TMEM200A: variants seen among roughly 807,000 people sequenced by gnomAD.
TMEM200A encodes two transmembrane C.
In TMEM200A, 12 loss-of-function variants were observed where a neutral mutation model predicts 24.3. The ratio of observed to expected loss-of-function variants is 0.49; its 90% CI spans 0.32 to 0.80. TMEM200A has a LOEUF of 0.80. Among genes scored for constraint, TMEM200A ranks in the 30% least tolerant of loss-of-function variants. TMEM200A has a pLI of 0.04. For synonymous variants in TMEM200A, 224 were observed against 224.4 expected (o/e 1.00, Z 0.02); for missense variants, 545 against 614.4 (o/e 0.89, Z 1.19).
intron 2 of TMEM200A, among the ~76,000 whole-genome samples, chr6:130,419,034 T>C (rs1210739644): frequency 6.6e-6 from 1 of 152,164 alleles, no homozygotes; most frequent in Non-Finnish European, 1.5e-5. Context: ...ACTGTATGTT[T>C]ATACCCATTA....
chr6:130,414,219 G>C (rs538830212), intron 2 of TMEM200A, among the ~76,000 whole-genome samples: 1 of 152,050 alleles, frequency 6.6e-6, no homozygotes, highest in East Asian at 1.9e-4. Flanking sequence ...ATCACTTGAG[G>C]TCAGGAGTTT....
chr6:130,415,646 C>T (rs565614720), intron 2 of TMEM200A, among the ~76,000 whole-genome samples: 2 of 152,122 alleles, frequency 1.3e-5, no homozygotes, highest in African/African-American at 4.8e-5. Flanking sequence ...CCCATGCTCA[C>T]GAGATATCCT....
chr6:130,426,865 AC>A (rs943610327), intron 2 of TMEM200A, among the ~76,000 whole-genome samples: 2 of 152,238 alleles, frequency 1.3e-5, no homozygotes, highest in African/African-American at 4.8e-5. Context: ...AAGGCAGATA[AC>A]AATTCTAAAT....
chr6:130,431,053 T>C (rs1779863625), intron 2 of TMEM200A, among the ~76,000 whole-genome samples: 1 of 152,182 alleles, frequency 6.6e-6, no homozygotes, highest in African/African-American at 2.4e-5. Flanking sequence ...TTTAGTAGCC[T>C]TAACAATACG....
At chr6:130,399,849 C>T (rs1304110590) in intron 2 of TMEM200A, among the ~76,000 whole-genome samples, 6 of 151,844 alleles carry the variant, frequency 4.0e-5, no homozygotes, top group Non-Finnish European at 8.8e-5. Context: ...CTACTCTTCC[C>T]CTTAAGTCCC....
intron 1 of TMEM200A, among the ~76,000 whole-genome samples, chr6:130,373,626 C>A (rs897759516): frequency 3.3e-5 from 5 of 152,120 alleles, no homozygotes; most frequent in African/African-American, 1.2e-4. Flanking sequence ...TTATAAATGG[C>A]ACTTTGATGA....
At chr6:130,416,180 C>T (rs1779445139) in intron 2 of TMEM200A, among the ~76,000 whole-genome samples, 1 of 152,122 alleles carries the variant, frequency 6.6e-6, no homozygotes, top group Admixed American at 6.6e-5. Flanking sequence ...AAATTATACT[C>T]ATCAGCCAGC....
At chr6:130,438,450 T>A (rs1016530441) in intron 2 of TMEM200A, 2 of 152,208 alleles carry the variant, frequency 1.3e-5, no homozygotes, top group African/African-American at 4.8e-5. Flanking sequence ...AAAGACCTTG[T>A]GGAACTTAAA....
intron 2 of TMEM200A, among the ~76,000 whole-genome samples, chr6:130,388,629 CAT>C (rs1176012988): frequency 3.9e-5 from 6 of 152,158 alleles, no homozygotes; most frequent in South Asian, 4.1e-4. Context: ...AGTAGATACT[CAT>C]ATTTCTCAAT....
At chr6:130,435,243 C>T (rs535914061) in intron 2 of TMEM200A, among the ~76,000 whole-genome samples, 19 of 152,182 alleles carry the variant, frequency 1.2e-4, no homozygotes, top group South Asian at 4.2e-4. Flanking sequence ...CCTTGGCCTT[C>T]GGAAGTTGCT....
At chr6:130,427,065 C>T (rs1387981060) in intron 2 of TMEM200A, among the ~76,000 whole-genome samples, 2 of 152,202 alleles carry the variant, frequency 1.3e-5, no homozygotes, top group African/African-American at 4.8e-5. Context: ...TCGAAGGCTA[C>T]ACTCCACCTG....
intron 2 of TMEM200A, among the ~76,000 whole-genome samples, chr6:130,400,109 C>T (rs532265646): frequency 2.1e-4 from 32 of 150,348 alleles, no homozygotes; most frequent in African/African-American, 2.9e-4. Context: ...TATATATATA[C>T]ACACACACAC....
Position 130,440,660 on chromosome 6 carries a change from G to T in TMEM200A, c.238G>T (p.Val80Phe). Residue 80 changes from valine (V) to phenylalanine (F), a missense_variant, in exon 3 of 3, where the codon GTT (valine) becomes TTT (phenylalanine). Transcript: ENST00000296978. ...CTCCATTATAGGAATTGCTATGGCC[G>T]TTCTTGGATATTGGCCCCAAAAAGA... ...LISIIGIAMA[V>F]LGYWPQKEHF... The T allele has an allele frequency of 6.2e-6, 10 of 1,613,800 alleles. No homozygotes were observed. The highest frequency in any genetic ancestry group is 8.5e-6 in the Non-Finnish European group (10 of 1,179,722).
At chr6:130,419,844 T>C (rs1779542215) in intron 2 of TMEM200A, among the ~76,000 whole-genome samples, 1 of 152,206 alleles carries the variant, frequency 6.6e-6, no homozygotes, top group East Asian at 1.9e-4. Context: ...GAAATTTATT[T>C]TTCTTAGCTC....
chr6:130,436,688 A>C (rs1780027791), intron 2 of TMEM200A, among the ~76,000 whole-genome samples: 1 of 123,142 alleles, frequency 8.1e-6, no homozygotes, highest in Non-Finnish European at 1.6e-5. Context: ...TTGCTCTATC[A>C]CCCAAGCTGA....
At chr6:130,398,020 C>A (rs1778991507) in intron 2 of TMEM200A, among the ~76,000 whole-genome samples, 1 of 151,898 alleles carries the variant, frequency 6.6e-6, no homozygotes, top group Non-Finnish European at 1.5e-5. Context: ...AGGTTTGTTA[C>A]ATGGGTAAAT....
intron 2 of TMEM200A, among the ~76,000 whole-genome samples, chr6:130,409,738 C>T (rs1779289172): frequency 6.6e-6 from 1 of 151,944 alleles, no homozygotes; most frequent in Non-Finnish European, 1.5e-5. Context: ...ATTTGGGAGG[C>T]CAGCATTAAT....
chr6:130,371,188 TG>T (rs367861064), intron 1 of TMEM200A, among the ~76,000 whole-genome samples: 1 of 152,114 alleles, frequency 6.6e-6, no homozygotes, highest in African/African-American at 2.4e-5. Context: ...GAAATGGCTA[TG>T]CGTGGTAGAT....
rs531928399 is a variant in TMEM200A at position 130,397,785 on chromosome 6, T to C, written c.-17+12549T>C. Among the ~76,000 whole-genome samples, 6 of 151,736 alleles carry C rather than the reference T, an allele frequency of 4.0e-5. No homozygotes were observed. The East Asian group carries it at 9.6e-4, about 24-fold the overall frequency. On this transcript the variant is annotated intron_variant, in intron 2 of 2. Coordinates refer to ENST00000296978, the MANE Select transcript of TMEM200A (RefSeq NM_001258277.2). The stretch of plus-strand genomic sequence containing the variant: ...TGTTTATTTATTGCATTGATTACCC[T>C]TTCATAGGTTTTCATTTTTTTCCTT...
Sources: gnomAD v4.1 joint callset for allele counts (sites outside exome capture counted in the v4.1 genomes callset) on GRCh38, gnomAD v4.1.1 for gene constraint, MANE v1.5 for transcripts, NCBI Gene and HGNC (gene_info 2026-07-23, HGNC 2026-07-21) for gene names.